Variants in VDR observed in about 807,000 individuals in gnomAD.
VDR encodes vitamin D receptor.
Under a neutral mutation model 39.7 loss-of-function variants are expected in VDR, and 19 were observed. The observed-to-expected ratio is 0.48, with a 90% CI of 0.33 to 0.70. The LOEUF is 0.70. Among genes scored for constraint, VDR ranks in the 30% least tolerant of loss-of-function variants. The probability of loss-of-function intolerance (pLI) is 0.02; values close to 1 mark genes in which losing one functional copy is unlikely to be tolerated. For missense variants in VDR, 442 were observed against 570.5 expected (o/e 0.77, Z 2.29); for synonymous variants, 242 against 215.8 (o/e 1.12, Z -1.07).
Position 47,865,063 on chromosome 12 carries a change from G to C in VDR, c.261C>G (p.Ile87Met). ...GACACTCACACTCCTTCATCATGCC[G>C]ATGTCCACACAGCGTTTGAGCCGGC... The part of the protein sequence containing the change: ...QACRLKRCVD[I>M]GMMKEFILTD... Residue 87 changes from isoleucine to methionine, a missense_variant, in exon 4 of 10, where the codon ATC becomes ATG. Around this residue, in one of 5 missense-constraint regions of VDR, gnomAD observed 141 missense variants for 141.3 expected, o/e 1.00. Transcript: ENST00000549336. The C allele has an allele frequency of 6.2e-7, 1 of 1,613,500 alleles. No individual in the cohort carries two copies. The highest frequency in any genetic ancestry group is 8.5e-7 in the Non-Finnish European group (1 of 1,179,518).
At chr12:47,899,836 C>T in intron 1 of VDR, 1 of 923,754 alleles carries the variant, frequency 1.1e-6, no homozygotes, top group South Asian at 5.0e-5. Context: ...ACTGTACTTA[C>T]CCCAAAGAGA....
In VDR at chr12:47,846,755, A is replaced by G. The variant is rs1945288665; in HGVS notation, c.809T>C (p.Val270Ala). ...IVLLKSSAIE[V>A]IMLRSNESFT... ...GGACTCATTGGAGCGCAACATGATG[A>G]CCTCAATGGCACTTGACTTCAGCAG... Residue 270 changes from valine to alanine, a missense_variant, in exon 8 of 10, where the codon GTC (valine) becomes GCC (alanine). Physicochemically the swap from Val to Ala is moderately conservative, Grantham distance 64 (BLOSUM62 0). Transcript: ENST00000549336. The G allele has an allele frequency of 6.8e-6, 11 of 1,613,990 alleles. No individual in the cohort carries two copies. The highest frequency in any genetic ancestry group is 9.3e-6 in the Non-Finnish European group (11 of 1,180,032).
chr12:47,891,203 G>C (rs1448601335), intron 1 of VDR, among the ~76,000 whole-genome samples: 2 of 152,178 alleles, frequency 1.3e-5, no homozygotes, highest in Non-Finnish European at 2.9e-5. Flanking sequence ...CCTGACCACT[G>C]TTCAGATGCC....
rs750084186 is a variant in VDR at position 47,853,625 on chromosome 12, C to T, written c.755+2005G>A. On this transcript the variant is annotated intron_variant, in intron 7 of 9. Transcript: ENST00000549336. ...ACAAAACTAGCCAGGCGTGGTGGTG[C>T]GTGCCTGTAATTTCTGCTACTCAGG... Among the ~76,000 whole-genome samples, 3 of 151,916 alleles carry T rather than the reference C, an allele frequency of 2.0e-5. 1 individual carries two copies. The highest frequency in any genetic ancestry group is 1.3e-4 in the Admixed American group (2 of 15,238).
At chr12:47,901,748 G>A (rs541684688) in intron 1 of VDR, among the ~76,000 whole-genome samples, 1 of 152,334 alleles carries the variant, frequency 6.6e-6, no homozygotes, top group Non-Finnish European at 1.5e-5. Flanking sequence ...GAAACGTGAG[G>A]CCCAGTCTTG....
intron 7 of VDR, among the ~76,000 whole-genome samples, chr12:47,850,563 C>G (rs1945365337): frequency 6.6e-6 from 1 of 152,154 alleles, no homozygotes; most frequent in Admixed American, 6.5e-5. Context: ...GAACACAAAC[C>G]CAAAACGACC....
At chr12:47,856,683 T>A (rs915981128) in intron 6 of VDR, among the ~76,000 whole-genome samples, 4 of 151,082 alleles carry the variant, frequency 2.6e-5, no homozygotes, top group Non-Finnish European at 5.9e-5. Context: ...TCAGCTGAGC[T>A]GGAGGGGACA....
chr12:47,904,746 G>T, intron 1 of VDR: 2 of 1,075,358 alleles, frequency 1.9e-6, no homozygotes, highest in Non-Finnish European at 2.7e-6. Flanking sequence ...CCCCTCGCCA[G>T]CCTGGCACGA....
intron 3 of VDR, among the ~76,000 whole-genome samples, chr12:47,867,246 C>T (rs756194494): frequency 1.4e-4 from 21 of 152,056 alleles, no homozygotes; most frequent in African/African-American, 4.3e-4. Context: ...CCCCGCTACT[C>T]GGGAGGCTGA....
Position 47,844,639 on chromosome 12 carries a change from G to A in VDR, c.*107C>T. On this transcript the variant is annotated 3_prime_UTR_variant, in exon 10 of 10. Transcript: ENST00000549336. ...TAGGGGAGGTGGCAGAGGAGGGGCTGAACCCCAGACGGGGTGAGGAGGGCT... is the reference window on the plus strand; with the variant it reads ...TAGGGGAGGTGGCAGAGGAGGGGCTAAACCCCAGACGGGGTGAGGAGGGCT... 1 of 1,501,330 alleles carries A rather than the reference G, an allele frequency of 6.7e-7. No individual in the cohort carries two copies. Among genetic ancestry groups the A allele is most frequent in the South Asian group, 1.2e-5 (1 of 85,772 alleles). The allele number at this position is 1,501,330 out of a possible 1,614,324, so 93.0% of individuals were successfully genotyped here.
chr12:47,848,479 A>G (rs1188142126), intron 7 of VDR, among the ~76,000 whole-genome samples: 5 of 144,496 alleles, frequency 3.5e-5, no homozygotes, highest in Non-Finnish European at 7.5e-5. Context: ...TGTCATTGTG[A>G]TGCCTTGAAC....
In VDR at chr12:47,867,774, G is replaced by A. The variant is rs114363051; in HGVS notation, c.147-2597C>T. On this transcript the variant is annotated intron_variant, in intron 3 of 9. Coordinates refer to ENST00000549336, the MANE Select transcript of VDR (RefSeq NM_000376.3). ...TCCTTCCTGGAGATGAGCTACTGAC[G>A]TCATCTGCTCAGGGGCCAGGCATTA... Among the ~76,000 whole-genome samples, 806 of 152,328 alleles carry A rather than the reference G, an allele frequency of 5.3e-3. 18 individuals are homozygous for A. Among genetic ancestry groups the A allele is most frequent in the African/African-American group, 0.019 (770 of 41,574 alleles).
chr12:47,904,730 G>T (rs1163855251), intron 1 of VDR: 3 of 1,235,882 alleles, frequency 2.4e-6, no homozygotes, highest in Admixed American at 2.1e-5. Context: ...CGAGGATGTC[G>T]CTGCTCCCCT....
At chr12:47,903,640 C>T (rs1946610844) in intron 1 of VDR, among the ~76,000 whole-genome samples, 2 of 152,190 alleles carry the variant, frequency 1.3e-5, no homozygotes, top group African/African-American at 4.8e-5. Flanking sequence ...GAGTTAAAGC[C>T]TTCTTTGCCA....
At chr12:47,897,578 A>C (rs552068404) in intron 1 of VDR, among the ~76,000 whole-genome samples, 5 of 152,180 alleles carry the variant, frequency 3.3e-5, no homozygotes, top group Non-Finnish European at 7.4e-5. Flanking sequence ...ATGGGTGGTG[A>C]ATATCTGGCT....
rs576004858 is a variant in VDR at position 47,890,624 on chromosome 12, TC to T, written c.-83-7851del. 7.9e-5 allele frequency among the ~76,000 whole-genome samples: 12 copies of T among 152,016 alleles called. No individual in the cohort carries two copies. The South Asian group carries it at 2.5e-3, about 32-fold the overall frequency. On this transcript the variant is annotated intron_variant, in intron 1 of 9. Coordinates refer to ENST00000549336, the MANE Select transcript of VDR (RefSeq NM_000376.3). Reference sequence around the variant, plus strand: ...CTCATTGGTTATGGCTTAGCACGGTTCCTCCCCACAAGTCCTTACTAAACAA... The same window carrying T: ...CTCATTGGTTATGGCTTAGCACGGTTCTCCCCACAAGTCCTTACTAAACAA...
intron 7 of VDR, among the ~76,000 whole-genome samples, chr12:47,852,556 A>G (rs956656327): frequency 2.0e-5 from 3 of 152,158 alleles, no homozygotes; most frequent in Non-Finnish European, 4.4e-5. Context: ...TCCTATCACT[A>G]CAACCAAAAT....
intron 2 of VDR, among the ~76,000 whole-genome samples, chr12:47,879,371 G>A (rs75353979): frequency 4.1e-4 from 62 of 152,346 alleles, no homozygotes; most frequent in Non-Finnish European, 7.4e-4. Flanking sequence ...TGTTGCATCT[G>A]TCAGGTTAAT....
intron 6 of VDR, among the ~76,000 whole-genome samples, chr12:47,856,636 A>G (rs371870557): frequency 4.0e-5 from 6 of 151,516 alleles, no homozygotes; most frequent in East Asian, 1.9e-4. Context: ...AAAAAAAAAA[A>G]AAAGAAAGGA....
Sources: allele counts gnomAD v4.1 joint callset (sites outside exome capture counted in the v4.1 genomes callset), GRCh38; gene constraint gnomAD v4.1.1; regional missense constraint gnomAD v4.1.1; transcripts MANE v1.5; gene names NCBI Gene and HGNC (gene_info 2026-07-23, HGNC 2026-07-21).